ABCC5: variants seen among roughly 807,000 people sequenced by gnomAD.
ABCC5 encodes the protein ATP-binding cassette sub-family C member 5.
In ABCC5, 61 loss-of-function variants were observed where a neutral mutation model predicts 160.9. The ratio of observed to expected loss-of-function variants is 0.38; its 90% CI spans 0.31 to 0.47. ABCC5 has a LOEUF of 0.47. Among genes scored for constraint, ABCC5 ranks in the 20% least tolerant of loss-of-function variants. The pLI is 0.99. For missense variants in ABCC5, 1,308 were observed against 1,813.3 expected, an observed-to-expected ratio of 0.72 and a Z score of 5.06; for synonymous variants, 666 against 700.6, an observed-to-expected ratio of 0.95 and a Z score of 0.78.
At chr3:183,946,488 C>G (rs887403906) in intron 23 of ABCC5, among the ~76,000 whole-genome samples, 17 of 152,222 alleles carry the variant, frequency 1.1e-4, no homozygotes, top group Admixed American at 2.0e-4. Context: ...TGTGAAGACA[C>G]ATATCTCTGG....
chr3:183,979,537 A>T (rs1025964681), intron 8 of ABCC5, among the ~76,000 whole-genome samples: 7 of 152,216 alleles, frequency 4.6e-5, no homozygotes, highest in African/African-American at 1.7e-4. Context: ...CATATTAGCA[A>T]AGCAACCATA....
chr3:183,929,716 T>G (rs1181333933), intron 26 of ABCC5, among the ~76,000 whole-genome samples: 1 of 152,126 alleles, frequency 6.6e-6, no homozygotes. Context: ...CTCAAGGAAA[T>G]CAGAGTTGAT....
chr3:183,984,092 G>T (rs933257269), intron 5 of ABCC5: 14 of 985,338 alleles, frequency 1.4e-5, no homozygotes, highest in Non-Finnish European at 1.7e-5. Context: ...TAAGGAAAGA[G>T]AATTAAAAAC....
At chr3:183,957,084 G>T (rs1372682470) in intron 17 of ABCC5, among the ~76,000 whole-genome samples, 38 of 110,968 alleles carry the variant, frequency 3.4e-4, no homozygotes, top group African/African-American at 1.2e-3. Context: ...GGGTCCGTGT[G>T]TACATCACAT....
chr3:184,009,678 C>T (rs1721533499), intron 2 of ABCC5, among the ~76,000 whole-genome samples: 1 of 152,066 alleles, frequency 6.6e-6, no homozygotes, highest in African/African-American at 2.4e-5. Context: ...TACTTAGTAG[C>T]GATGCATTCA....
chr3:183,958,783 G>C (rs1716464142), intron 17 of ABCC5, among the ~76,000 whole-genome samples: 1 of 151,830 alleles, frequency 6.6e-6, no homozygotes, highest in African/African-American at 2.4e-5. Context: ...ATTTTTTGGA[G>C]AGAAGCGGGG....
At chr3:183,929,501 T>C (rs971148060) in intron 26 of ABCC5, among the ~76,000 whole-genome samples, 1 of 152,142 alleles carries the variant, frequency 6.6e-6, no homozygotes, top group Admixed American at 6.6e-5. Flanking sequence ...TGCACCCTCT[T>C]TCTCTTGGTT....
At chr3:183,965,125 C>A (rs1309351427) in intron 14 of ABCC5, 60 bp downstream of exon 14, 1 of 1,561,946 alleles carries the variant, frequency 6.4e-7, no homozygotes, top group Non-Finnish European at 8.8e-7. Flanking sequence ...CTCCCAGGAG[C>A]AGCTCTGGCC....
chr3:183,980,721 T>G (rs982960464), intron 8 of ABCC5, among the ~76,000 whole-genome samples: 20 of 151,716 alleles, frequency 1.3e-4, no homozygotes, highest in African/African-American at 1.4e-4. Flanking sequence ...TTTGTTTTTT[T>G]TTTTTTTTTT....
intron 20 of ABCC5, among the ~76,000 whole-genome samples, chr3:183,950,613 T>G (rs1370739992): frequency 6.6e-6 from 1 of 152,246 alleles, no homozygotes; most frequent in African/African-American, 2.4e-5. Context: ...TTCTTCTGGT[T>G]AAAGTATTTT....
intron 10 of ABCC5, among the ~76,000 whole-genome samples, chr3:183,973,922 C>T (rs1469337608): frequency 6.6e-6 from 1 of 152,144 alleles, no homozygotes; most frequent in African/African-American, 2.4e-5. Context: ...AAGAAACATG[C>T]CAGTACCTAC....
At position 183,961,494 on chromosome 3, in the gene ABCC5, A is replaced by G. The variant is rs1716731932; in HGVS notation, c.2379+17T>C. 1 of 1,613,560 alleles carries G rather than the reference A, an allele frequency of 6.2e-7. No homozygotes were observed. Among genetic ancestry groups the G allele is most frequent in the South Asian group, 1.1e-5 (1 of 91,010 alleles). Reference sequence around the variant, plus strand: ...CAGAGACAGAAGGGGACACACGCAAACACCATCAGATCTTACCTCAACTGG... The same window carrying G: ...CAGAGACAGAAGGGGACACACGCAAGCACCATCAGATCTTACCTCAACTGG... On this transcript the variant is annotated intron_variant, in intron 16 of 29. Coordinates refer to ENST00000334444, the MANE Select transcript of ABCC5 (RefSeq NM_005688.4).
chr3:183,990,616 C>T (rs957510494), intron 2 of ABCC5, among the ~76,000 whole-genome samples: 7 of 152,162 alleles, frequency 4.6e-5, no homozygotes, highest in African/African-American at 1.4e-4. Flanking sequence ...CCTCCCCTGT[C>T]ACAGCAGCAG....
Position 183,938,004 on chromosome 3 carries a change from T to G in ABCC5, c.3751A>C (p.Ile1251Leu). The change falls in exon 26 of 30, where the codon ATC (isoleucine) becomes CTC (leucine). Residue 1251 changes from isoleucine (I) to leucine (L), a missense_variant. Ile to Leu is a conservative substitution (Grantham distance 5). Coordinates refer to ENST00000334444, the MANE Select transcript of ABCC5 (RefSeq NM_005688.4). ...FRLVELSGGC[I>L]KIDGVRISDI... The stretch of plus-strand genomic sequence containing the variant: ...CTGATTCTCACTCCATCAATCTTGA[T>G]GCAGCCTCCAGATAACTCCACCAGA... 1 of 1,614,218 alleles carries G rather than the reference T, an allele frequency of 6.2e-7. No individual in the cohort carries two copies. The highest frequency in any genetic ancestry group is 8.5e-7 in the Non-Finnish European group (1 of 1,180,046).
intron 16 of ABCC5, among the ~76,000 whole-genome samples, chr3:183,960,268 T>C (rs1335567197): frequency 6.6e-6 from 1 of 152,200 alleles, no homozygotes; most frequent in East Asian, 1.9e-4. Context: ...GCCCTAATCC[T>C]GCAAGCTCCT....
Position 183,978,649 on chromosome 3 carries a change from T to C in ABCC5, c.1150A>G (p.Ile384Val). The change falls in exon 9 of 30, where the codon ATC becomes GTC. Residue 384 changes from isoleucine to valine, a missense_variant and splice_region_variant. Transcript: ENST00000334444. ...VKAFSQSVQKIREEERRILEK... is the reference protein window; with the variant it reads ...VKAFSQSVQKVREEERRILEK... ...AATATCCGACGCTCCTCCTCGCGGA[T>C]TTCTATGAATAAAAAGCAAGCCAAT... The C allele has an allele frequency of 1.9e-6, 3 of 1,612,224 alleles. No individual in the cohort carries two copies. The highest frequency in any genetic ancestry group is 1.1e-5 in the South Asian group (1 of 90,792).
At chr3:183,994,018 C>T (rs1720024910) in intron 2 of ABCC5, among the ~76,000 whole-genome samples, 1 of 144,260 alleles carries the variant, frequency 6.9e-6, no homozygotes, top group Non-Finnish European at 1.5e-5. Flanking sequence ...GGATGGAGTG[C>T]AGTGGCGCAA....
chr3:183,998,775 G>T (rs1158118101), intron 2 of ABCC5, among the ~76,000 whole-genome samples: 2 of 152,088 alleles, frequency 1.3e-5, no homozygotes, highest in African/African-American at 2.4e-5. Flanking sequence ...CTTCCCCAGG[G>T]TGAATACCAG....
intron 9 of ABCC5, 57 bp from the exon 10 acceptor site, chr3:183,977,681 C>G (rs1718341366): frequency 8.1e-7 from 1 of 1,236,048 alleles, no homozygotes. Flanking sequence ...ACTGAAGTAA[C>G]CTGACACCAT....
Sources: gnomAD v4.1 joint callset for allele counts (sites outside exome capture counted in the v4.1 genomes callset) on GRCh38, gnomAD v4.1.1 for gene constraint, MANE v1.5 for transcripts, NCBI Gene and HGNC (gene_info 2026-07-23, HGNC 2026-07-21) for gene names.